ABTB3: variants seen among roughly 807,000 people sequenced by gnomAD.
ABTB3 encodes ankyrin repeat- and BTB/POZ domain-containing protein 3.
the ABTB3 span, among the ~76,000 whole-genome samples, chr12:107,619,343 G>C: frequency 6.6e-6 from 1 of 152,218 alleles, no homozygotes; most frequent in South Asian, 2.1e-4. Flanking sequence ...AGAGGTCCCT[G>C]TTAAAGGAGG....
the ABTB3 span, among the ~76,000 whole-genome samples, chr12:107,639,912 T>A: frequency 6.6e-6 from 1 of 152,168 alleles, no homozygotes; most frequent in African/African-American, 2.4e-5. Flanking sequence ...AGGGAAAGGC[T>A]TGGACTTAAA....
the ABTB3 span, among the ~76,000 whole-genome samples, chr12:107,642,602 G>C: frequency 2.0e-5 from 3 of 152,172 alleles, no homozygotes; most frequent in Non-Finnish European, 4.4e-5. Context: ...AGAAGTTGGT[G>C]AGCCACAGGA....
At chr12:107,495,666 G>A in the ABTB3 span, among the ~76,000 whole-genome samples, 108 of 152,192 alleles carry the variant, frequency 7.1e-4, 2 homozygotes, top group Admixed American at 7.1e-3. Flanking sequence ...CTTCAGGGAA[G>A]CCCTTCTGTA....
the ABTB3 span, among the ~76,000 whole-genome samples, chr12:107,376,390 A>G: frequency 6.6e-6 from 1 of 152,158 alleles, no homozygotes; most frequent in Non-Finnish European, 1.5e-5. Flanking sequence ...ATGAATTTGC[A>G]TTTATGCTGC....
the ABTB3 span, among the ~76,000 whole-genome samples, chr12:107,431,640 A>T: frequency 6.6e-6 from 1 of 152,158 alleles, no homozygotes; most frequent in Non-Finnish European, 1.5e-5. Context: ...GCCCCCAAAA[A>T]AAGTTAATCC....
At chr12:107,491,513 C>T in the ABTB3 span, among the ~76,000 whole-genome samples, 4 of 152,210 alleles carry the variant, frequency 2.6e-5, no homozygotes, top group Non-Finnish European at 4.4e-5. Context: ...GAAGGAAGGA[C>T]GGGTTAACAA....
At chr12:107,376,615 T>C in the ABTB3 span, among the ~76,000 whole-genome samples, 9 of 152,124 alleles carry the variant, frequency 5.9e-5, no homozygotes, top group Non-Finnish European at 1.3e-4. Flanking sequence ...GTGATTCGTC[T>C]GTGACCCTTA....
chr12:107,578,236 G>A, the ABTB3 span, among the ~76,000 whole-genome samples: 2 of 152,100 alleles, frequency 1.3e-5, no homozygotes, highest in Non-Finnish European at 2.9e-5. Context: ...ACAAGAAGAA[G>A]GCAATGTTGA....
the ABTB3 span, among the ~76,000 whole-genome samples, chr12:107,546,075 C>T: frequency 6.6e-6 from 1 of 152,178 alleles, no homozygotes; most frequent in African/African-American, 2.4e-5. Flanking sequence ...TTCTTTTCTG[C>T]CTCATACTTA....
chr12:107,654,070 T>G, the ABTB3 span, among the ~76,000 whole-genome samples: 1 of 152,238 alleles, frequency 6.6e-6, no homozygotes, highest in South Asian at 2.1e-4. Context: ...TTTATTTCAC[T>G]TAGCATAATG....
chr12:107,578,306 G>A, the ABTB3 span, among the ~76,000 whole-genome samples: 1 of 147,808 alleles, frequency 6.8e-6, no homozygotes, highest in Admixed American at 6.8e-5. Context: ...GGTTCAAGGT[G>A]TCTTATTCTG....
chr12:107,435,398 G>T, the ABTB3 span, among the ~76,000 whole-genome samples: 1 of 152,202 alleles, frequency 6.6e-6, no homozygotes, highest in Non-Finnish European at 1.5e-5. Context: ...ACTCTCTGTG[G>T]CTTCAAGGTT....
chr12:107,487,910 T>C, the ABTB3 span, among the ~76,000 whole-genome samples: 1 of 150,760 alleles, frequency 6.6e-6, no homozygotes, highest in Non-Finnish European at 1.5e-5. Flanking sequence ...ATGACAGTGT[T>C]CAGAGGAAAG....
chr12:107,514,552 C>A, the ABTB3 span, among the ~76,000 whole-genome samples: 3 of 152,170 alleles, frequency 2.0e-5, no homozygotes, highest in Admixed American at 6.5e-5. Flanking sequence ...CTGCCCTTGA[C>A]CCCAATAGTG....
the ABTB3 span, chr12:107,610,359 C>T: frequency 6.2e-7 from 1 of 1,614,054 alleles, no homozygotes; most frequent in Non-Finnish European, 8.5e-7. Context: ...CGAACAGGTA[C>T]AGGGTCCGAG....
At chr12:107,537,014 G>A in the ABTB3 span, among the ~76,000 whole-genome samples, 32 of 152,224 alleles carry the variant, frequency 2.1e-4, no homozygotes, top group African/African-American at 7.7e-4. Context: ...TAAAGAAAAT[G>A]TGTATATTTA....
chr12:107,319,006 T>C, the ABTB3 span: 24 of 1,613,722 alleles, frequency 1.5e-5, no homozygotes, highest in Non-Finnish European at 2.0e-5. Flanking sequence ...ACTCGGGTTA[T>C]GGTGGCGCGG....
the ABTB3 span, among the ~76,000 whole-genome samples, chr12:107,357,913 G>A: frequency 2.6e-5 from 4 of 152,140 alleles, no homozygotes; most frequent in African/African-American, 9.7e-5. Flanking sequence ...CCATGTTGTC[G>A]ATCCCTTACA....
At chr12:107,406,799 GA>G in the ABTB3 span, among the ~76,000 whole-genome samples, 2 of 151,712 alleles carry the variant, frequency 1.3e-5, no homozygotes, top group African/African-American at 4.8e-5. Flanking sequence ...ATGTTGCTTT[GA>G]AAAAAAACAA....
Sources: gnomAD v4.1 joint callset for allele counts (sites outside exome capture counted in the v4.1 genomes callset) on GRCh38, gnomAD v4.1.1 for gene constraint, MANE v1.5 for transcripts, NCBI Gene and HGNC (gene_info 2026-07-23, HGNC 2026-07-21) for gene names.